Variants in CDCA2 observed in about 807,000 individuals in gnomAD.
CDCA2 encodes the protein cell division cycle associated 2.
A neutral mutation model predicts 67.0 loss-of-function variants in CDCA2; 44 were observed. The observed-to-expected ratio is 0.66, with a 90% confidence interval of 0.52 to 0.84. The LOEUF (loss-of-function observed/expected upper bound fraction) is 0.84. CDCA2 is among the 40% of genes least tolerant of loss of function. The pLI is 0.00. For missense variants in CDCA2, 1,253 were observed against 1,203.2 expected (o/e 1.04, Z -0.61); for synonymous variants, 447 against 418.7 (o/e 1.07, Z -0.82).
At position 25,480,042 on chromosome 8, in the gene CDCA2, G is replaced by A; in HGVS notation, c.950G>A (p.Arg317Lys). The stretch of plus-strand genomic sequence containing the variant: ...TCACCAGCTACTCCAGCCTGCAGGA[G>A]GGACCTTCCCACCCCCAAGACCTTT... ...VRSPATPACR[R>K]DLPTPKTFVL... The change falls in exon 8 of 15, where the codon AGG (arginine) becomes AAG (lysine). Residue 317 changes from arginine to lysine, a missense_variant. Transcript: ENST00000330560. The A allele has an allele frequency of 6.2e-7, 1 of 1,614,142 alleles. No individual in the cohort carries two copies. The highest frequency in any genetic ancestry group is 8.5e-7 in the Non-Finnish European group (1 of 1,180,030).
chr8:25,488,665 G>C lies in CDCA2; in HGVS notation c.1647G>C (p.Lys549Asn), dbSNP rs771339193. 4.3e-6 allele frequency: 7 copies of C among 1,610,484 alleles called. No individual in the cohort carries two copies. The highest frequency in any genetic ancestry group is 2.2e-5 in the South Asian group (2 of 90,438). ...AGTCTCAAGAAACAAAGTGTACAAA[G>C]AGAGCACTTCCTAAGAAGAGTCAGG... ...RRKSQETKCT[K>N]RALPKKSQVL... The change falls in exon 13 of 15, where the codon AAG (lysine) becomes AAC (asparagine). Residue 549 changes from lysine (K) to asparagine (N), a missense_variant. Coordinates refer to ENST00000330560, the MANE Select transcript of CDCA2 (RefSeq NM_152562.4).
chr8:25,460,100 AAAT>A (rs1802617641), intron 1 of CDCA2, 137 bp from the exon 2 acceptor site: 1 of 762,234 alleles, frequency 1.3e-6, no homozygotes, highest in Admixed American at 2.5e-5. Context: ...ACAGAAATTA[AAAT>A]AAAAAATGAA....
chr8:25,467,509 A>G (rs898763574), intron 5 of CDCA2, among the ~76,000 whole-genome samples: 4 of 152,196 alleles, frequency 2.6e-5, no homozygotes, highest in South Asian at 2.1e-4. Context: ...TAGCTAGAAA[A>G]AAACAGGTAC....
rs1802894004 is a variant in CDCA2, at chr8:25,466,186, A to G, written c.399A>G (p.Ala133=). Residue 133 remains alanine (A), a synonymous_variant, in exon 5 of 15, where the codon GCA becomes GCG. Transcript: ENST00000330560. The stretch of plus-strand genomic sequence containing the variant: ...TTGCACTTTCACAGGGCAGCCCTGC[A>G]CTGTATCGAAATGTTAACACTTTAA... The part of the protein sequence containing the change: ...AQDSPSQGSP[A]LYRNVNTLRE... The G allele has an allele frequency of 6.2e-7, 1 of 1,609,952 alleles. No homozygotes were observed.
intron 7 of CDCA2, 72 bp from the exon 8 acceptor site, chr8:25,479,841 C>A: frequency 7.2e-7 from 1 of 1,381,206 alleles, no homozygotes. Context: ...TTTGCAAATA[C>A]TATATTTTTG....
At chr8:25,488,833 G>T in intron 13 of CDCA2, 144 bp downstream of exon 13, 1 of 736,950 alleles carries the variant, frequency 1.4e-6, no homozygotes, top group South Asian at 2.3e-5. Context: ...GTAGAATGGG[G>T]TGGGGGGGTT....
intron 3 of CDCA2, 115 bp downstream of exon 3, chr8:25,460,669 C>T: frequency 9.4e-7 from 1 of 1,066,818 alleles, no homozygotes; most frequent in Non-Finnish European, 1.3e-6. Flanking sequence ...AAATTGCCTA[C>T]TCTGCAAACT....
At chr8:25,472,551 T>C (rs1803199364) in intron 7 of CDCA2, among the ~76,000 whole-genome samples, 1 of 152,178 alleles carries the variant, frequency 6.6e-6, no homozygotes, top group African/African-American at 2.4e-5. Context: ...ACACCTGGAC[T>C]GTGCTGTTTC....
At position 25,483,986 on chromosome 8, in the gene CDCA2, G is replaced by T; in HGVS notation, c.1141G>T (p.Ala381Ser). 6.2e-7 allele frequency: 1 copy of T among 1,613,600 alleles called. No homozygotes were observed. The highest frequency in any genetic ancestry group is 8.5e-7 in the Non-Finnish European group (1 of 1,179,660). ...KEAEDEENFE[A>S]PAFLNMRKRK... The stretch of plus-strand genomic sequence containing the variant: ...TATAGAAGATGAAGAAAATTTTGAA[G>T]CACCTGCCTTTCTAAATATGAGGAA... The change falls in exon 10 of 15, where the codon GCA (alanine) becomes TCA (serine). Residue 381 changes from alanine to serine, a missense_variant. Transcript: ENST00000330560.
Position 25,467,760 on chromosome 8 carries a change from A to T in CDCA2, c.539-457A>T, listed in dbSNP as rs182317894. On this transcript the variant is annotated intron_variant, in intron 5 of 14. Transcript: ENST00000330560. ...TTAGATTTAATTTTTTTTGGAATAA[A>T]AAAGTGTGGTAGATTTTTCTTTTCA... Among the ~76,000 whole-genome samples, 107 of 152,286 alleles carry T rather than the reference A, an allele frequency of 7.0e-4. 1 individual carries two copies. Among genetic ancestry groups the T allele is most frequent in the African/African-American group, 2.5e-3 (104 of 41,558 alleles).
intron 13 of CDCA2, among the ~76,000 whole-genome samples, chr8:25,489,606 TCAC>T (rs1032969736): frequency 2.0e-5 from 3 of 152,186 alleles, no homozygotes; most frequent in African/African-American, 7.2e-5. Context: ...GCCTTCTTCT[TCAC>T]CACTTTGCCG....
chr8:25,490,591 T>G (rs930424800), intron 13 of CDCA2, among the ~76,000 whole-genome samples: 53 of 152,038 alleles, frequency 3.5e-4, no homozygotes, highest in Non-Finnish European at 8.8e-5. Flanking sequence ...GCAGGTACGA[T>G]GGATGGTGAG....
chr8:25,467,572 T>G (rs1008306972), intron 5 of CDCA2, among the ~76,000 whole-genome samples: 8 of 152,184 alleles, frequency 5.3e-5, no homozygotes, highest in African/African-American at 1.9e-4. Flanking sequence ...CATAACCACA[T>G]CTTTCAAAAT....
In CDCA2 at chr8:25,506,773, G is replaced by T; in HGVS notation, c.2107G>T (p.Glu703Ter). Residue 703 changes from glutamate (E) to a stop codon, truncating the protein, a stop_gained, in exon 15 of 15, where the codon GAA becomes TAA. Coordinates refer to ENST00000330560, the MANE Select transcript of CDCA2 (RefSeq NM_152562.4). LOFTEE classifies it low-confidence loss of function (END_TRUNC). ...AAAAAATAAGTCAGAAAGTGAAAAT[G>T]AACCAAAAGCTGGAACTGACAGTCC... ...KAKNKSESEN[E>*]PKAGTDSPVS... is the part of the protein sequence containing the mutation. 6.2e-7 allele frequency: 1 copy of T among 1,613,704 alleles called. No individual in the cohort carries two copies. Among genetic ancestry groups the T allele is most frequent in the African/African-American group, 1.3e-5 (1 of 75,004 alleles).
At chr8:25,478,912 ATTAAC>A (rs1803460162) in intron 7 of CDCA2, among the ~76,000 whole-genome samples, 1 of 149,122 alleles carries the variant, frequency 6.7e-6, no homozygotes, top group Non-Finnish European at 1.5e-5. Flanking sequence ...ATATATATAT[ATTAAC>A]TTTTTACTTG....
intron 8 of CDCA2, among the ~76,000 whole-genome samples, chr8:25,483,099 C>T (rs778487878): frequency 6.6e-6 from 1 of 152,092 alleles, no homozygotes; most frequent in Non-Finnish European, 1.5e-5. Flanking sequence ...TAGCTACTCA[C>T]GTTTTCCTTA....
At chr8:25,499,804 A>G (rs760407509) in intron 13 of CDCA2, among the ~76,000 whole-genome samples, 14 of 152,234 alleles carry the variant, frequency 9.2e-5, no homozygotes, top group Non-Finnish European at 2.1e-4. Context: ...ATTCTAAGCC[A>G]TAATCCACCC....
chr8:25,478,930 A>G (rs937448545), intron 7 of CDCA2, among the ~76,000 whole-genome samples: 6 of 149,864 alleles, frequency 4.0e-5, no homozygotes, highest in Non-Finnish European at 8.9e-5. Context: ...TTTACTTGAA[A>G]TAACTATAAA....
chr8:25,480,830 A>G (rs1803540023), intron 8 of CDCA2, among the ~76,000 whole-genome samples: 1 of 152,194 alleles, frequency 6.6e-6, no homozygotes, highest in South Asian at 2.1e-4. Flanking sequence ...AAATGTAATC[A>G]CTGAGCAAAT....
Sources: allele counts gnomAD v4.1 joint callset (sites outside exome capture counted in the v4.1 genomes callset), GRCh38; gene constraint gnomAD v4.1.1; transcripts MANE v1.5; gene names NCBI Gene and HGNC (gene_info 2026-07-23, HGNC 2026-07-21).